The following TIAL1 variants were observed in gnomAD, a reference collection of about 807,000 sequenced individuals.
TIAL1 encodes the protein nucleolysin TIAR.
Under a neutral mutation model 59.7 loss-of-function variants are expected in TIAL1, and 7 were observed. The ratio of observed to expected loss-of-function variants is 0.12; its 90% CI spans 0.07 to 0.22. The LOEUF is 0.22. Ranked by LOEUF, TIAL1 falls within the 10% of genes least tolerant of loss-of-function variation. The pLI, the probability that TIAL1 is intolerant of heterozygous loss-of-function variation, is 1.00. For missense variants in TIAL1, 225 were observed against 462.5 expected, an observed-to-expected ratio of 0.49 and a Z score of 4.71; for synonymous variants, 149 against 146.3, an observed-to-expected ratio of 1.02 and a Z score of -0.13.
Position 119,588,257 on chromosome 10 carries a change from G to GA in TIAL1, c.33-10dup, listed in dbSNP as rs749949637. On this transcript the variant is annotated splice_polypyrimidine_tract_variant and intron_variant, in intron 1 of 11. Coordinates refer to ENST00000436547, the MANE Select transcript of TIAL1 (RefSeq NM_003252.4). ...AAAGGTTACCTACGTATCTGCACAA[G>GA]AAAAAAATACGTTATCAGCAATTTT... The GA allele has an allele frequency of 8.5e-6, 13 of 1,537,004 alleles. No homozygotes were observed. The highest frequency in any genetic ancestry group is 1.9e-5 in the Admixed American group (1 of 51,544).
At chr10:119,580,381 A>C in intron 5 of TIAL1, 1 of 483,970 alleles carries the variant, frequency 2.1e-6, no homozygotes, top group Non-Finnish European at 2.8e-6. Flanking sequence ...CAATCTCTAA[A>C]TAGTTAAATG....
intron 8 of TIAL1, 39 bp from the exon 9 acceptor site, chr10:119,577,574 GTA>G: frequency 6.2e-7 from 1 of 1,607,164 alleles, no homozygotes. Context: ...TGGCTGATGT[GTA>G]TCATGAAATT....
Position 119,581,909 on chromosome 10 carries a change from T to G in TIAL1, c.371+13A>C. The G allele has an allele frequency of 6.3e-7, 1 of 1,597,932 alleles. No homozygotes were observed. The highest frequency in any genetic ancestry group is 8.6e-7 in the Non-Finnish European group (1 of 1,165,514). The stretch of plus-strand genomic sequence containing the variant: ...CTATCATGACTGAGTGTAGTACTGA[T>G]TATGATACTTACGATATTTTACCAA... On this transcript the variant is annotated intron_variant, in intron 5 of 11. Coordinates refer to ENST00000436547, the MANE Select transcript of TIAL1 (RefSeq NM_003252.4).
At position 119,582,742 on chromosome 10, in the gene TIAL1, G is replaced by A. The variant is rs78449333; in HGVS notation, c.130-185C>T. ...ACCTGACTTTGCACCTCAGAATACTGCTGAACTCAAACGGAACTATAAAAG... is the reference window on the plus strand; with the variant it reads ...ACCTGACTTTGCACCTCAGAATACTACTGAACTCAAACGGAACTATAAAAG... On this transcript the variant is annotated intron_variant, in intron 2 of 11. Transcript: ENST00000436547. The surrounding 1 kb of genome is among the most constrained non-coding windows in gnomAD (Gnocchi z 5.1). The A allele has an allele frequency of 3.4e-3, 2,654 of 787,154 alleles. 54 individuals are homozygous for A. In the African/African-American group the frequency reaches 0.043, roughly 13 times the overall value. The allele number at this position is 787,154 out of a possible 1,614,324, so 48.8% of individuals were successfully genotyped here. A position where few individuals can be genotyped will look rare whatever the true frequency, so the allele number is the denominator to read the frequency against.
intron 1 of TIAL1, 187 bp from the exon 2 acceptor site, chr10:119,588,435 C>A: frequency 2.8e-6 from 1 of 358,506 alleles, no homozygotes; most frequent in Non-Finnish European, 5.0e-6. Flanking sequence ...CTTCCGCCTC[C>A]CAGATTCAAA....
chr10:119,576,706 G>A lies in TIAL1; in HGVS notation c.906C>T (p.Asn302=), dbSNP rs139123712. 531 of 1,614,128 alleles carry A rather than the reference G, an allele frequency of 3.3e-4. 2 individuals are homozygous for A. The South Asian group carries it at 5.2e-3, about 16-fold the overall frequency. ...QWGQWSQVYG[N]PQQYGQYMAN... is the part of the protein sequence containing the mutation. ...CCATATACTGTCCATACTGTTGTGGGTTTCCATACACTTGGCTCCATTGGC... is the reference window on the plus strand; with the variant it reads ...CCATATACTGTCCATACTGTTGTGGATTTCCATACACTTGGCTCCATTGGC... The change falls in exon 11 of 12, where the codon AAC becomes AAT. Residue 302 remains asparagine (N), a synonymous_variant. Coordinates refer to ENST00000436547, the MANE Select transcript of TIAL1 (RefSeq NM_003252.4).
Position 119,573,963 on chromosome 10 carries a change from C to T in TIAL1, c.*1702G>A, listed in dbSNP as rs1197367389. On this transcript the variant is annotated 3_prime_UTR_variant, in exon 12 of 12. Transcript: ENST00000436547. ...TATTGTGACCACCAATTTATAAAATCATTATTTTAAAGCTAATCGTAAAAC... is the reference window on the plus strand; with the variant it reads ...TATTGTGACCACCAATTTATAAAATTATTATTTTAAAGCTAATCGTAAAAC... 6.6e-6 allele frequency: 1 copy of T among 152,408 alleles called. No homozygotes were observed. The highest frequency in any genetic ancestry group is 2.4e-5 in the African/African-American group (1 of 41,404). 9.4% of individuals were successfully genotyped at this position (152,408 alleles called of 1,614,324 possible). A position where few individuals can be genotyped will look rare whatever the true frequency, so the allele number is the denominator to read the frequency against.
rs1277984388 is a variant in TIAL1 at position 119,582,138 on chromosome 10, T to C, written c.283+31A>G. The stretch of plus-strand genomic sequence containing the variant: ...TGCCTCCTGGATAATTTCAGAACTC[T>C]TCCACAGTAAAATGCAGCAGGAGTA... On this transcript the variant is annotated intron_variant, in intron 4 of 11. Coordinates refer to ENST00000436547, the MANE Select transcript of TIAL1 (RefSeq NM_003252.4). The surrounding 1 kb of genome is among the most constrained non-coding windows in gnomAD (Gnocchi z 5.1). The C allele has an allele frequency of 1.2e-6, 2 of 1,603,612 alleles. No homozygotes were observed.
rs1479854672 is a variant in TIAL1, at chr10:119,574,583, A to G, written c.*1082T>C. On this transcript the variant is annotated 3_prime_UTR_variant, in exon 12 of 12. Transcript: ENST00000436547. ...AGGTATTTACATACCAAGTAATGTA[A>G]AGCAAAAAAAAAAAAAAAAAAAAAC... 1 of 130,862 alleles carries G rather than the reference A, an allele frequency of 7.6e-6. No individual in the cohort carries two copies. The highest frequency in any genetic ancestry group is 1.6e-5 in the Non-Finnish European group (1 of 61,886). The allele number at this position is 130,862 out of a possible 1,614,324, so 8.1% of individuals were successfully genotyped here.
At chr10:119,577,320 TTAGG>T in intron 9 of TIAL1, 117 bp from the exon 10 acceptor site, 1 of 1,441,234 alleles carries the variant, frequency 6.9e-7, no homozygotes, top group Non-Finnish European at 9.3e-7. Flanking sequence ...CTAAAGTACA[TTAGG>T]TAGGTAGCTT....
At chr10:119,594,914 C>T (rs1030896817) in intron 1 of TIAL1, among the ~76,000 whole-genome samples, 1 of 152,174 alleles carries the variant, frequency 6.6e-6, no homozygotes, top group Non-Finnish European at 1.5e-5. Context: ...TGAGCCACTG[C>T]GCCCGGCCTG....
rs775183615 is a variant in TIAL1 at position 119,596,418 on chromosome 10, C to T, written c.32+16G>A. ...GGGCCTCTTGGCGCCTGGCACCCCT[C>T]GTCTCGGGTACTCACAGAGTCCGGG... On this transcript the variant is annotated intron_variant, in intron 1 of 11. Coordinates refer to ENST00000436547, the MANE Select transcript of TIAL1 (RefSeq NM_003252.4). 3.7e-6 allele frequency: 6 copies of T among 1,610,000 alleles called. No homozygotes were observed. Among genetic ancestry groups the T allele is most frequent in the East Asian group, 2.2e-5 (1 of 44,730 alleles).
At chr10:119,588,466 C>A (rs1163318893) in intron 1 of TIAL1, 1 of 305,112 alleles carries the variant, frequency 3.3e-6, no homozygotes, top group East Asian at 5.8e-5. Context: ...GTCTCAGCCT[C>A]CCAAGTAGCT....
chr10:119,576,785 A>G (rs1845015310), intron 10 of TIAL1, 35 bp from the exon 11 acceptor site: 6 of 1,608,546 alleles, frequency 3.7e-6, no homozygotes, highest in African/African-American at 1.3e-5. Flanking sequence ...TAGGGAACAC[A>G]TAAGAAACAC....
At chr10:119,588,712 A>T (rs1589878842) in intron 1 of TIAL1, among the ~76,000 whole-genome samples, 1 of 152,302 alleles carries the variant, frequency 6.6e-6, no homozygotes, top group East Asian at 1.9e-4. Flanking sequence ...ATCCTATGAA[A>T]GTAAGATTAA....
At chr10:119,592,785 A>T (rs1030830605) in intron 1 of TIAL1, among the ~76,000 whole-genome samples, 2 of 151,916 alleles carry the variant, frequency 1.3e-5, no homozygotes, top group East Asian at 1.9e-4. Flanking sequence ...ACACACACAC[A>T]CACTCACTCT....
intron 1 of TIAL1, among the ~76,000 whole-genome samples, chr10:119,591,113 T>C (rs1201747158): frequency 1.3e-5 from 2 of 152,120 alleles, no homozygotes; most frequent in African/African-American, 4.8e-5. Context: ...CTTAATAAGA[T>C]CTTTATTCCA....
In TIAL1 at chr10:119,588,268, G is replaced by GTT. The variant is rs1564742233; in HGVS notation, c.33-22_33-21dup. ...ACGTATCTGCACAAGAAAAAAATAC[G>GTT]TTATCAGCAATTTTTCCTTTAGCTC... On this transcript the variant is annotated intron_variant, in intron 1 of 11. Coordinates refer to ENST00000436547, the MANE Select transcript of TIAL1 (RefSeq NM_003252.4). 6.7e-7 allele frequency: 1 copy of GTT among 1,482,816 alleles called. No individual in the cohort carries two copies. Among genetic ancestry groups the GTT allele is most frequent in the African/African-American group, 1.4e-5 (1 of 70,162 alleles). The allele number at this position is 1,482,816 out of a possible 1,614,324, so 91.9% of individuals were successfully genotyped here.
At chr10:119,589,639 C>T (rs1242789452) in intron 1 of TIAL1, among the ~76,000 whole-genome samples, 1 of 151,820 alleles carries the variant, frequency 6.6e-6, no homozygotes, top group Non-Finnish European at 1.5e-5. Flanking sequence ...TTCCTAATTA[C>T]AATTGAATGT....
Sources: gnomAD v4.1 joint callset for allele counts (sites outside exome capture counted in the v4.1 genomes callset) on GRCh38, gnomAD v4.1.1 for gene constraint, Gnocchi (gnomAD v3.1) non-coding constraint, MANE v1.5 for transcripts, NCBI Gene and HGNC (gene_info 2026-07-23, HGNC 2026-07-21) for gene names.